Variants in KALRN observed in about 807,000 individuals in gnomAD.
KALRN encodes the protein kalirin RhoGEF kinase.
Under a neutral mutation model 353.7 loss-of-function variants are expected in KALRN, and 70 were observed. The ratio of observed to expected loss-of-function variants is 0.20; its 90% CI spans 0.16 to 0.24. The LOEUF (loss-of-function observed/expected upper bound fraction) is 0.24. KALRN is among the 10% of genes least tolerant of loss of function. The probability of loss-of-function intolerance (pLI) is 1.00; values close to 1 mark genes in which losing one functional copy is unlikely to be tolerated. For missense variants in KALRN, 2,791 were observed against 3,756.7 expected (o/e 0.74, Z 6.72); for synonymous variants, 1,391 against 1,434.8 (o/e 0.97, Z 0.69).
chr3:124,295,669 G>A (rs954628223), intron 5 of KALRN, among the ~76,000 whole-genome samples: 1 of 152,164 alleles, frequency 6.6e-6, no homozygotes, highest in Non-Finnish European at 1.5e-5. Context: ...AGTGTATGGA[G>A]TGAGCGCTTT....
At chr3:124,201,146 A>C (rs1176565844) in intron 1 of KALRN, among the ~76,000 whole-genome samples, 1 of 152,236 alleles carries the variant, frequency 6.6e-6, no homozygotes, top group Non-Finnish European at 1.5e-5. Context: ...TGTGACCAAG[A>C]GACAAAGGCC....
intron 5 of KALRN, among the ~76,000 whole-genome samples, chr3:124,273,784 A>C (rs2074412019): frequency 6.6e-6 from 1 of 152,224 alleles, no homozygotes; most frequent in Non-Finnish European, 1.5e-5. Context: ...CAAACAATGC[A>C]TGATGTTAGA....
chr3:124,058,589 C>T (rs2041754598), intron 1 of KALRN, among the ~76,000 whole-genome samples: 1 of 152,194 alleles, frequency 6.6e-6, no homozygotes, highest in Non-Finnish European at 1.5e-5. Flanking sequence ...ACATATCTCT[C>T]TATGGTGCCT....
intron 1 of KALRN, among the ~76,000 whole-genome samples, chr3:124,048,000 C>T (rs1482030303): frequency 6.6e-6 from 1 of 152,030 alleles, no homozygotes; most frequent in Non-Finnish European, 1.5e-5. Context: ...CTCCCTTGAT[C>T]CATGGTTTGT....
intron 14 of KALRN, among the ~76,000 whole-genome samples, chr3:124,420,611 C>T (rs560802420): frequency 2.0e-5 from 3 of 152,248 alleles, no homozygotes; most frequent in East Asian, 1.9e-4. Flanking sequence ...AAGAACAAGC[C>T]GTTCTTTTCT....
In KALRN at chr3:124,268,758, G is replaced by A. The variant is rs773320991; in HGVS notation, c.472G>A (p.Val158Met). 6.8e-6 allele frequency: 11 copies of A among 1,614,110 alleles called. No individual in the cohort carries two copies. Among genetic ancestry groups the A allele is most frequent in the Non-Finnish European group, 9.3e-6 (11 of 1,180,014 alleles). ...KFIFETSMVSVEGLTKLVDPS... is the reference protein window; with the variant it reads ...KFIFETSMVSMEGLTKLVDPS... ...CCCCTTCCAGACGAGCATGGTATCTGTGGAGGGCCTCACAAAGCTGGTGGA... is the reference window on the plus strand; with the variant it reads ...CCCCTTCCAGACGAGCATGGTATCTATGGAGGGCCTCACAAAGCTGGTGGA... The change falls in exon 5 of 60, where the codon GTG (valine) becomes ATG (methionine). Residue 158 changes from valine (V) to methionine (M), a missense_variant. Around this residue, in one of 11 missense-constraint regions of KALRN, gnomAD observed 110 missense variants for 204.1 expected, o/e 0.54. Transcript: ENST00000682506.
rs546781058 is a variant in KALRN, at chr3:124,264,824, C to T, written c.456+134C>T. ...GGCTGAGATTTCAGGATTCCTTGGC[C>T]GCCATGGCCTTACCAGTTAGAGTAT... is the stretch of plus-strand genomic sequence containing the variant. On this transcript the variant is annotated intron_variant, in intron 4 of 59. Transcript: ENST00000682506. 12 of 763,786 alleles carry T rather than the reference C, an allele frequency of 1.6e-5. No individual in the cohort carries two copies. In the East Asian group the frequency reaches 1.9e-4, roughly 12 times the overall value. The allele number at this position is 763,786 out of a possible 1,614,324, so 47.3% of individuals were successfully genotyped here. A position where few individuals can be genotyped will look rare whatever the true frequency, so the allele number is the denominator to read the frequency against.
At chr3:124,247,010 A>C (rs534027715) in intron 3 of KALRN, among the ~76,000 whole-genome samples, 1 of 151,746 alleles carries the variant, frequency 6.6e-6, no homozygotes, top group East Asian at 1.9e-4. Flanking sequence ...TGTGTTTTCT[A>C]TTTCTCTCTT....
At chr3:124,516,771 T>G (rs1454439056) in intron 33 of KALRN, among the ~76,000 whole-genome samples, 1 of 151,850 alleles carries the variant, frequency 6.6e-6, no homozygotes, top group Non-Finnish European at 1.5e-5. Flanking sequence ...TTAAAATTCT[T>G]TTTTTTGTTT....
chr3:124,684,057 T>C (rs1010651258), intron 51 of KALRN, among the ~76,000 whole-genome samples: 3 of 152,172 alleles, frequency 2.0e-5, no homozygotes, highest in Non-Finnish European at 2.9e-5. Context: ...ATCACCACTA[T>C]CCATTTCCAG....
In KALRN at chr3:124,092,643, G is replaced by T. The variant is rs1275253505; in HGVS notation, c.73+58830G>T. Reference sequence around the variant, plus strand: ...GAGGGCTCCCGTATCTCAGTGAAACGTGTCACAATTTCCCAGAGAATCTCT... The same window carrying T: ...GAGGGCTCCCGTATCTCAGTGAAACTTGTCACAATTTCCCAGAGAATCTCT... On this transcript the variant is annotated intron_variant, in intron 1 of 59. Coordinates refer to ENST00000682506, the MANE Select transcript of KALRN (RefSeq NM_001388419.1). 3.3e-5 allele frequency among the ~76,000 whole-genome samples: 5 copies of T among 152,308 alleles called. No homozygotes were observed. The East Asian group carries it at 9.7e-4, about 29-fold the overall frequency.
Position 124,616,793 on chromosome 3 carries a change from G to A in KALRN, c.5183-15627G>A, listed in dbSNP as rs959046039. Among the ~76,000 whole-genome samples, 14 of 152,006 alleles carry A rather than the reference G, an allele frequency of 9.2e-5. No individual in the cohort carries two copies. The East Asian group carries it at 1.9e-3, about 21-fold the overall frequency. On this transcript the variant is annotated intron_variant, in intron 34 of 59. Transcript: ENST00000682506. Reference sequence around the variant, plus strand: ...ATCCTGGCTAACACGGTGAAACCCCGTCTCTACTAAAAATACAAAAAATTA... The same window carrying A: ...ATCCTGGCTAACACGGTGAAACCCCATCTCTACTAAAAATACAAAAAATTA...
intron 25 of KALRN, among the ~76,000 whole-genome samples, chr3:124,474,228 A>C (rs1272852745): frequency 2.6e-5 from 4 of 152,238 alleles, no homozygotes; most frequent in Non-Finnish European, 5.9e-5. Context: ...GCCAAAAATT[A>C]GAAAGAGGCC....
At chr3:124,516,691 G>A (rs2066615478) in intron 33 of KALRN, among the ~76,000 whole-genome samples, 1 of 150,750 alleles carries the variant, frequency 6.6e-6, no homozygotes, top group Non-Finnish European at 1.5e-5. Context: ...GTGTGTGGGG[G>A]TGTCTAGCTA....
In KALRN at chr3:124,248,254, A is replaced by AC. The variant is rs71625750; in HGVS notation, c.263+13319dup. On this transcript the variant is annotated intron_variant, in intron 3 of 59. Transcript: ENST00000682506. ...CCCCAAGGAAAAAGGAGAGGGCTTCACCCCCCCCATACTCCTTAGGGCCAA... is the reference window on the plus strand; with the variant it reads ...CCCCAAGGAAAAAGGAGAGGGCTTCACCCCCCCCCATACTCCTTAGGGCCAA... Among the ~76,000 whole-genome samples the AC allele has an allele frequency of 4.7e-4, 71 of 150,924 alleles. No homozygotes were observed. The Middle Eastern group carries it at 0.01, about 22-fold the overall frequency.
chr3:124,603,275 G>A (rs1015493936), intron 34 of KALRN, among the ~76,000 whole-genome samples: 6 of 152,108 alleles, frequency 3.9e-5, no homozygotes, highest in African/African-American at 7.2e-5. Flanking sequence ...TTGACTCTCC[G>A]GAGGAGGCTG....
At chr3:124,608,839 C>T (rs1346506120) in intron 34 of KALRN, among the ~76,000 whole-genome samples, 1 of 152,188 alleles carries the variant, frequency 6.6e-6, no homozygotes, top group Non-Finnish European at 1.5e-5. Flanking sequence ...TTGGGTTTTA[C>T]CTAAGATCAT....
In KALRN at chr3:124,268,688, C is replaced by T. The variant is rs2073841868; in HGVS notation, c.457-55C>T. 5.1e-6 allele frequency: 8 copies of T among 1,567,044 alleles called. No individual in the cohort carries two copies. In the Middle Eastern group the frequency reaches 8.5e-4, roughly 166 times the overall value. ...TGTCCTTTCCCTCATCCTATTTCTG[C>T]CCTGTTCTTCCCCTGACATCACTGA... is the stretch of plus-strand genomic sequence containing the variant. On this transcript the variant is annotated intron_variant, in intron 4 of 59. Coordinates refer to ENST00000682506, the MANE Select transcript of KALRN (RefSeq NM_001388419.1).
At chr3:124,139,492 T>C (rs529320250) in intron 1 of KALRN, among the ~76,000 whole-genome samples, 2 of 152,294 alleles carry the variant, frequency 1.3e-5, no homozygotes, top group South Asian at 4.1e-4. Context: ...CAGTATAGAC[T>C]CTTCTAAACC....
Sources: allele counts gnomAD v4.1 joint callset (sites outside exome capture counted in the v4.1 genomes callset), GRCh38; gene constraint gnomAD v4.1.1; regional missense constraint gnomAD v4.1.1; transcripts MANE v1.5; gene names NCBI Gene and HGNC (gene_info 2026-07-23, HGNC 2026-07-21).